Variants in TBCE observed in about 807,000 individuals in gnomAD.
The protein encoded by TBCE is tubulin-specific chaperone E.
Under a neutral mutation model 77.0 loss-of-function variants are expected in TBCE, and 53 were observed. The ratio of observed to expected loss-of-function variants is 0.69; its 90% CI spans 0.55 to 0.87. The LOEUF (loss-of-function observed/expected upper bound fraction) is 0.87. TBCE is among the 40% of genes least tolerant of loss of function. The pLI is 0.00. For missense variants in TBCE, 624 were observed against 622.4 expected, an observed-to-expected ratio of 1.00 and a Z score of -0.03; for synonymous variants, 235 against 241.3, an observed-to-expected ratio of 0.97 and a Z score of 0.24.
chr1:235,425,551 C>G (rs1680661710), intron 5 of TBCE, among the ~76,000 whole-genome samples: 1 of 152,070 alleles, frequency 6.6e-6, no homozygotes, highest in East Asian at 1.9e-4. Context: ...TTTAAAGGAC[C>G]CAGGTCACCT....
chr1:235,378,788 C>T (rs1677447301), intron 1 of TBCE, among the ~76,000 whole-genome samples: 1 of 152,012 alleles, frequency 6.6e-6, no homozygotes, highest in Admixed American at 6.6e-5. Context: ...TTGAACCCAG[C>T]AGGCAGAGGT....
intron 3 of TBCE, among the ~76,000 whole-genome samples, chr1:235,401,826 C>CTTTTTT (rs11285286): frequency 4.5e-5 from 4 of 88,602 alleles, no homozygotes; most frequent in Non-Finnish European, 6.3e-5. Context: ...TTTCTTCGTC[C>CTTTTTT]TTTTTTTTTT....
Position 235,437,459 on chromosome 1 carries a change from G to T in TBCE, c.1101G>T (p.Thr367=). The change falls in exon 12 of 17, where the codon ACG becomes ACT. Residue 367 remains threonine (T), a synonymous_variant. Coordinates refer to ENST00000642610, the MANE Select transcript of TBCE (RefSeq NM_003193.5). ...LIIASIGQLK[T]LNKCEILPEE... is the part of the protein sequence containing the mutation. Reference sequence around the variant, plus strand: ...TCGCCAGCATTGGCCAGCTGAAGACGCTGAACAAATGTGAGGTGAGCACTG... The same window carrying T: ...TCGCCAGCATTGGCCAGCTGAAGACTCTGAACAAATGTGAGGTGAGCACTG... 1 of 1,614,052 alleles carries T rather than the reference G, an allele frequency of 6.2e-7. No individual in the cohort carries two copies. The highest frequency in any genetic ancestry group is 8.5e-7 in the Non-Finnish European group (1 of 1,179,978).
intron 5 of TBCE, among the ~76,000 whole-genome samples, chr1:235,420,631 C>T (rs528413529): frequency 2.0e-4 from 31 of 152,160 alleles, no homozygotes; most frequent in South Asian, 4.2e-4. Flanking sequence ...TACAGGCGCC[C>T]GCCACCACGC....
Position 235,374,587 on chromosome 1 carries a change from G to T in TBCE, c.-31-5432G>T, listed in dbSNP as rs374813277. 6.7e-4 allele frequency among the ~76,000 whole-genome samples: 97 copies of T among 145,526 alleles called. 11 individuals are homozygous for T. Among genetic ancestry groups the T allele is most frequent in the African/African-American group, 2.5e-3 (93 of 37,668 alleles). On this transcript the variant is annotated intron_variant, in intron 1 of 16. Transcript: ENST00000642610. ...GCAATCTGGGCTCACTGCAACCTCC[G>T]CCTCCTGGATTCAAGTGATTCTCCT... is the stretch of plus-strand genomic sequence containing the variant.
At chr1:235,434,323 T>C in intron 8 of TBCE, 43 bp downstream of exon 8, 1 of 1,486,444 alleles carries the variant, frequency 6.7e-7, no homozygotes, top group Non-Finnish European at 9.4e-7. Context: ...CATTTAATCA[T>C]CATTCTGAGT....
At chr1:235,442,637 A>G (rs1681971484) in intron 14 of TBCE, among the ~76,000 whole-genome samples, 1 of 152,218 alleles carries the variant, frequency 6.6e-6, no homozygotes, top group Non-Finnish European at 1.5e-5. Context: ...TAAGGAAAGA[A>G]GTACTAAGTG....
chr1:235,410,074 G>A lies in TBCE; in HGVS notation c.186-4359G>A, dbSNP rs184741745. Among the ~76,000 whole-genome samples, 94 of 149,152 alleles carry A rather than the reference G, an allele frequency of 6.3e-4. No homozygotes were observed. The East Asian group carries it at 6.9e-3, about 11-fold the overall frequency. On this transcript the variant is annotated intron_variant, in intron 3 of 16. Coordinates refer to ENST00000642610, the MANE Select transcript of TBCE (RefSeq NM_003193.5). ...AAAAACAGAAACAAAAATTAGCCGGGCGTGGTGTTGCACGCCTGTAATCCC... is the reference window on the plus strand; with the variant it reads ...AAAAACAGAAACAAAAATTAGCCGGACGTGGTGTTGCACGCCTGTAATCCC...
chr1:235,381,860 A>T (rs922045208), intron 2 of TBCE, among the ~76,000 whole-genome samples: 5 of 150,178 alleles, frequency 3.3e-5, no homozygotes, highest in East Asian at 2.0e-4. Flanking sequence ...CATGTGCACA[A>T]TGTGCAGGTT....
rs1186940900 is a variant in TBCE at position 235,431,151 on chromosome 1, T to G, written c.660+347T>G. 3.3e-5 allele frequency among the ~76,000 whole-genome samples: 5 copies of G among 151,970 alleles called. No individual in the cohort carries two copies. The East Asian group carries it at 7.7e-4, about 23-fold the overall frequency. On this transcript the variant is annotated intron_variant, in intron 7 of 16. Transcript: ENST00000642610. ...CTAGCTTCCTGAGTTTTCCTGTTAG[T>G]TTTTTTTAGAACAGAAGCCAAGCAG...
Position 235,368,552 on chromosome 1 carries a change from C to CTTTTTTTTTTTTTTTTTTTTTTT in TBCE, c.-32+1049_-32+1071dup, listed in dbSNP as rs757168655. The stretch of plus-strand genomic sequence containing the variant: ...TTTTTTAATCTAAGTGGACAGCCTG[C>CTTTTTTTTTTTTTTTTTTTTTTT]TTTTTTTTTTTTTTTTTTTTTTTGA... On this transcript the variant is annotated intron_variant, in intron 1 of 16. Coordinates refer to ENST00000642610, the MANE Select transcript of TBCE (RefSeq NM_003193.5). 8.0e-5 allele frequency among the ~76,000 whole-genome samples: 4 copies of CTTTTTTTTTTTTTTTTTTTTTTT among 49,764 alleles called. 2 individuals are homozygous for CTTTTTTTTTTTTTTTTTTTTTTT. The highest frequency in any genetic ancestry group is 1.4e-3 in the East Asian group (2 of 1,472). The allele number at this position is 49,764 out of a possible 152,430, so 32.6% of individuals were successfully genotyped here. A position where few individuals can be genotyped will look rare whatever the true frequency, so the allele number is the denominator to read the frequency against.
At chr1:235,398,598 G>A (rs1407076098) in intron 2 of TBCE, among the ~76,000 whole-genome samples, 1 of 147,566 alleles carries the variant, frequency 6.8e-6, no homozygotes, top group African/African-American at 2.5e-5. Context: ...ATTGGATGAC[G>A]ATGATGATTA....
chr1:235,392,366 A>T (rs1558355755), intron 2 of TBCE, among the ~76,000 whole-genome samples: 4 of 149,970 alleles, frequency 2.7e-5, no homozygotes. Context: ...GAAAAAAGAA[A>T]GTTGTGATTC....
intron 5 of TBCE, among the ~76,000 whole-genome samples, chr1:235,421,561 A>G (rs2102895807): frequency 6.6e-6 from 1 of 152,144 alleles, no homozygotes; most frequent in Non-Finnish European, 1.5e-5. Context: ...TACAAAAATT[A>G]GCCAGGCATG....
At chr1:235,424,958 C>T (rs532762619) in intron 5 of TBCE, among the ~76,000 whole-genome samples, 2 of 152,288 alleles carry the variant, frequency 1.3e-5, no homozygotes, top group Admixed American at 6.5e-5. Context: ...TGGAGCTCTT[C>T]TTCTGTCGCT....
At chr1:235,414,111 C>T in intron 3 of TBCE, 2 of 331,250 alleles carry the variant, frequency 6.0e-6, no homozygotes, top group Middle Eastern at 1.1e-3. Context: ...CTGCCTTGGC[C>T]TCCCAAAGTG....
intron 1 of TBCE, among the ~76,000 whole-genome samples, chr1:235,370,995 T>G (rs1408990783): frequency 7.3e-6 from 1 of 136,298 alleles, no homozygotes; most frequent in Non-Finnish European, 1.6e-5. Context: ...CCGCCTCAGC[T>G]TCCCAAAGTG....
At chr1:235,416,291 A>AT (rs1428174331) in intron 4 of TBCE, 4 of 151,280 alleles carry the variant, frequency 2.6e-5, no homozygotes, top group Non-Finnish European at 5.9e-5. Flanking sequence ...TCTTTGCTTT[A>AT]TTTTTTCCCA....
In TBCE at chr1:235,435,785, T is replaced by C. The variant is rs1315636956; in HGVS notation, c.778T>C (p.Ser260Pro). 2 of 1,614,068 alleles carry C rather than the reference T, an allele frequency of 1.2e-6. No individual in the cohort carries two copies. Among genetic ancestry groups the C allele is most frequent in the South Asian group, 2.2e-5 (2 of 91,080 alleles). ...VLQTVKLLDL[S>P]SNQLIDENQL... ...CCAGACAGTCAAGTTATTAGATCTT[T>C]CCTCTAATCAATTAATTGATGAAAA... The change falls in exon 9 of 17, where the codon TCC becomes CCC. Residue 260 changes from serine (S) to proline (P), a missense_variant. Coordinates refer to ENST00000642610, the MANE Select transcript of TBCE (RefSeq NM_003193.5).
Sources: gnomAD v4.1 joint callset for allele counts (sites outside exome capture counted in the v4.1 genomes callset) on GRCh38, gnomAD v4.1.1 for gene constraint, MANE v1.5 for transcripts, NCBI Gene and HGNC (gene_info 2026-07-23, HGNC 2026-07-21) for gene names.